Variants in FAT3 observed in about 807,000 individuals in gnomAD.
FAT3 encodes protocadherin Fat 3.
Under a neutral mutation model 310.2 loss-of-function variants are expected in FAT3, and 95 were observed. That is an observed-to-expected ratio of 0.31 (90% confidence interval 0.26 to 0.36). The LOEUF (loss-of-function observed/expected upper bound fraction) is 0.36. FAT3 is among the 10% of genes least tolerant of loss of function. The pLI is 1.00. For synonymous variants in FAT3, 2,314 were observed against 2,192.9 expected, an observed-to-expected ratio of 1.06 and a Z score of -1.54; for missense variants, 5,408 against 5,715.6, an observed-to-expected ratio of 0.95 and a Z score of 1.74.
intron 4 of FAT3, among the ~76,000 whole-genome samples, chr11:92,732,696 A>G (rs1337560256): frequency 6.6e-6 from 1 of 152,228 alleles, no homozygotes; most frequent in African/African-American, 2.4e-5. Flanking sequence ...AGCAATATCT[A>G]CCTCACAGAG....
At chr11:92,623,057 T>C (rs1009069345) in intron 3 of FAT3, among the ~76,000 whole-genome samples, 2 of 152,208 alleles carry the variant, frequency 1.3e-5, no homozygotes, top group African/African-American at 4.8e-5. Context: ...TCTGAATGTC[T>C]TTTACCCTCT....
intron 2 of FAT3, among the ~76,000 whole-genome samples, chr11:92,395,825 C>T (rs1458142697): frequency 3.3e-5 from 5 of 152,074 alleles, no homozygotes; most frequent in African/African-American, 1.2e-4. Context: ...GTGATCCTCC[C>T]ACCTTGGCCT....
chr11:92,277,858 T>C (rs1946316433), intron 1 of FAT3, among the ~76,000 whole-genome samples: 1 of 150,672 alleles, frequency 6.6e-6, no homozygotes, highest in Non-Finnish European at 1.5e-5. Flanking sequence ...AAAAAGTCAA[T>C]CTTTTTTTTT....
Position 92,224,830 on chromosome 11 carries a change from G to GGCT in FAT3, c.-359_-357dup, listed in dbSNP as rs1425239652. On this transcript the variant is annotated 5_prime_UTR_variant, in exon 1 of 28. Transcript: ENST00000525166. Reference sequence around the variant, plus strand: ...CCAGGCGGCGAGCAGTAGCGGCGGCGGCTGCAGCTCGGAGCAGACAGGAGA... The same window carrying GGCT: ...CCAGGCGGCGAGCAGTAGCGGCGGCGGCTGCTGCAGCTCGGAGCAGACAGGAGA... 1.3e-5 allele frequency among the ~76,000 whole-genome samples: 2 copies of GGCT among 152,158 alleles called. No individual in the cohort carries two copies. The highest frequency in any genetic ancestry group is 3.9e-4 in the East Asian group (2 of 5,144).
At chr11:92,772,552 T>C (rs778137356) in intron 6 of FAT3, among the ~76,000 whole-genome samples, 7 of 152,138 alleles carry the variant, frequency 4.6e-5, no homozygotes, top group Non-Finnish European at 8.8e-5. Flanking sequence ...TTTTTGGAGT[T>C]AATATTTAGT....
intron 3 of FAT3, among the ~76,000 whole-genome samples, chr11:92,657,825 A>G (rs1200357201): frequency 6.6e-6 from 1 of 152,216 alleles, no homozygotes; most frequent in Non-Finnish European, 1.5e-5. Context: ...TGTTAGACCC[A>G]ACTAATCCAT....
At chr11:92,503,949 T>G (rs1953024349) in intron 2 of FAT3, among the ~76,000 whole-genome samples, 1 of 152,094 alleles carries the variant, frequency 6.6e-6, no homozygotes. Flanking sequence ...GAGGTTATGG[T>G]GAAGGAGAGG....
At chr11:92,890,454 C>A (rs2136441615) in intron 27 of FAT3, 37 bp from the exon 28 acceptor site, 1 of 1,577,254 alleles carries the variant, frequency 6.3e-7, no homozygotes, top group South Asian at 1.2e-5. Flanking sequence ...CAACTCCAGT[C>A]TAGAGGAAAT....
At chr11:92,862,697 A>AT (rs1320324865) in intron 21 of FAT3, among the ~76,000 whole-genome samples, 6 of 152,234 alleles carry the variant, frequency 3.9e-5, no homozygotes, top group African/African-American at 7.2e-5. Context: ...GAGAGTTTCA[A>AT]TGATCTATTT....
intron 13 of FAT3, among the ~76,000 whole-genome samples, chr11:92,821,835 C>T (rs978023355): frequency 6.6e-6 from 1 of 152,148 alleles, no homozygotes; most frequent in African/African-American, 2.4e-5. Context: ...TTATTTACCT[C>T]CTACCAGTGT....
At chr11:92,351,362 T>C (rs911370477) in intron 1 of FAT3, among the ~76,000 whole-genome samples, 2 of 152,216 alleles carry the variant, frequency 1.3e-5, no homozygotes, top group Non-Finnish European at 2.9e-5. Context: ...AAAGTAATTA[T>C]GTAACTATTG....
Position 92,891,280 on chromosome 11 carries a change from C to T in FAT3, c.*167C>T. The T allele has an allele frequency of 2.1e-6, 2 of 947,422 alleles. No individual in the cohort carries two copies. The highest frequency in any genetic ancestry group is 3.1e-6 in the Non-Finnish European group (2 of 654,124). 58.7% of individuals were successfully genotyped at this position (947,422 alleles called of 1,614,324 possible). On this transcript the variant is annotated 3_prime_UTR_variant, in exon 28 of 28. Transcript: ENST00000525166. ...ACTGTCCCAACAAGCAAGCTTGATT[C>T]CAGTTGGGTGAAAATGAAAGGCTCA... is the stretch of plus-strand genomic sequence containing the variant.
chr11:92,749,572 C>G (rs1945773122), intron 4 of FAT3, among the ~76,000 whole-genome samples: 1 of 152,114 alleles, frequency 6.6e-6, no homozygotes, highest in Admixed American at 6.5e-5. Context: ...CTGAGTATAA[C>G]AGAAGTAAGG....
At chr11:92,881,255 C>G (rs1477226250) in intron 23 of FAT3, among the ~76,000 whole-genome samples, 1 of 152,144 alleles carries the variant, frequency 6.6e-6, no homozygotes, top group Non-Finnish European at 1.5e-5. Flanking sequence ...ACTCTACGGC[C>G]TATTGTTTTT....
At chr11:92,709,826 G>A (rs1944468353) in intron 4 of FAT3, among the ~76,000 whole-genome samples, 1 of 152,208 alleles carries the variant, frequency 6.6e-6, no homozygotes, top group Non-Finnish European at 1.5e-5. Flanking sequence ...CTGTACTGAG[G>A]TGGCTTGCCA....
chr11:92,487,748 T>C (rs990571353), intron 2 of FAT3, among the ~76,000 whole-genome samples: 12 of 152,182 alleles, frequency 7.9e-5, no homozygotes, highest in Admixed American at 1.3e-4. Context: ...CTGTATAATC[T>C]AATAGGGTTA....
At chr11:92,569,028 T>G (rs1179317594) in intron 3 of FAT3, among the ~76,000 whole-genome samples, 3 of 152,148 alleles carry the variant, frequency 2.0e-5, no homozygotes, top group African/African-American at 7.2e-5. Context: ...AGCTTAATTT[T>G]GGGGGGTTGA....
intron 1 of FAT3, among the ~76,000 whole-genome samples, chr11:92,343,978 G>T (rs11019913): frequency 0.074 from 11,322 of 152,194 alleles, 589 homozygotes; most frequent in African/African-American, 0.14. Flanking sequence ...TAGGTGTGGG[G>T]TATAGGGGGA....
intron 1 of FAT3, among the ~76,000 whole-genome samples, chr11:92,348,445 C>A (rs961761965): frequency 4.6e-5 from 7 of 152,164 alleles, no homozygotes; most frequent in Admixed American, 4.6e-4. Flanking sequence ...TGATAGCATT[C>A]TTTGCCTTGA....
Sources: allele counts gnomAD v4.1 joint callset (sites outside exome capture counted in the v4.1 genomes callset), GRCh38; gene constraint gnomAD v4.1.1; transcripts MANE v1.5; gene names NCBI Gene and HGNC (gene_info 2026-07-23, HGNC 2026-07-21).